LILRB5: variants seen among roughly 807,000 people sequenced by gnomAD.
LILRB5 encodes leukocyte immunoglobulin like receptor B5.
A neutral mutation model predicts 68.4 loss-of-function variants in LILRB5; 61 were observed. The observed-to-expected ratio is 0.89, with a 90% CI of 0.73 to 1.10. The LOEUF (loss-of-function observed/expected upper bound fraction) is 1.10, where lower values mean the gene tolerates loss of function less well. Ranked by LOEUF, LILRB5 falls within the 50% of genes least tolerant of loss-of-function variation. The probability of loss-of-function intolerance (pLI) is 0.00; values close to 1 mark genes in which losing one functional copy is unlikely to be tolerated. For missense variants in LILRB5, 771 were observed against 751.6 expected, an observed-to-expected ratio of 1.03 and a Z score of -0.30; for synonymous variants, 356 against 315.8, an observed-to-expected ratio of 1.13 and a Z score of -1.35.
chr19:54,257,129 G>C (rs768458870), intron 1 of LILRB5, 31 bp downstream of exon 1: 52 of 1,614,056 alleles, frequency 3.2e-5, no homozygotes, highest in African/African-American at 5.3e-5. Context: ...CTCCAAGACG[G>C]GGACCTTCCT....
intron 12 of LILRB5, chr19:54,251,704 C>G: frequency 4.7e-6 from 3 of 642,474 alleles, no homozygotes; most frequent in Non-Finnish European, 8.9e-6. Context: ...ATGGGGAGCC[C>G]CATCCACAGT....
At chr19:54,253,490 G>GT (rs2079024886) in intron 8 of LILRB5, 1 of 273,626 alleles carries the variant, frequency 3.7e-6, no homozygotes, top group Non-Finnish European at 7.0e-6. Context: ...GGCTCTGTGT[G>GT]TATCTGGGAA....
rs1296704134 is a variant in LILRB5, at chr19:54,254,846, T to C, written c.1144A>G (p.Met382Val). Residue 382 changes from methionine (M) to valine (V), a missense_variant, in exon 6 of 13, where the codon ATG becomes GTG. Transcript: ENST00000449561. ...QSYRHQAEFSMSPVTSAQGGT... is the reference protein window; with the variant it reads ...QSYRHQAEFSVSPVTSAQGGT... ...CCCTGGGCTGAGGTCACAGGACTCA[T>C]GGAGAATTCAGCCTGGTGTCTATAA... 1 of 1,614,132 alleles carries C rather than the reference T, an allele frequency of 6.2e-7. No individual in the cohort carries two copies. The highest frequency in any genetic ancestry group is 8.5e-7 in the Non-Finnish European group (1 of 1,179,986).
In LILRB5 at chr19:54,251,877, G is replaced by A. The variant is rs113072601; in HGVS notation, c.1629+177C>T. On this transcript the variant is annotated intron_variant, in intron 12 of 12. Transcript: ENST00000449561. ...GAAGGGGACCCGGGAGGAGGCCCACGAGGTCCCAGGACAGCAGAAGAGAGT... is the reference window on the plus strand; with the variant it reads ...GAAGGGGACCCGGGAGGAGGCCCACAAGGTCCCAGGACAGCAGAAGAGAGT... 8.6e-5 allele frequency: 69 copies of A among 798,830 alleles called. No homozygotes were observed. In the African/African-American group the frequency reaches 8.9e-4, roughly 10 times the overall value. 49.5% of individuals were successfully genotyped at this position (798,830 alleles called of 1,614,324 possible).
chr19:54,255,944 A>C (rs1412099796), intron 4 of LILRB5, 99 bp downstream of exon 4: 2 of 1,013,794 alleles, frequency 2.0e-6, no homozygotes, highest in South Asian at 3.4e-5. Context: ...CCATCAACAC[A>C]TCCTTCTGGG....
At position 54,257,265 on chromosome 19, in the gene LILRB5, G is replaced by C. The variant is rs1385241405; in HGVS notation, c.-72C>G. The C allele has an allele frequency of 1.9e-5, 31 of 1,591,568 alleles. 1 individual carries two copies. In the South Asian group the frequency reaches 3.4e-4, roughly 18 times the overall value. On this transcript the variant is annotated 5_prime_UTR_variant, in exon 1 of 13. Transcript: ENST00000449561. ...GGTGCCTGGCAGGACACAAAAACACGCAGAGTGTGGACTGGAGGCTGGGTT... is the reference window on the plus strand; with the variant it reads ...GGTGCCTGGCAGGACACAAAAACACCCAGAGTGTGGACTGGAGGCTGGGTT...
chr19:54,254,549 C>G (rs2079058099), intron 6 of LILRB5, 134 bp from the exon 7 acceptor site: 1 of 1,268,510 alleles, frequency 7.9e-7, no homozygotes, highest in Non-Finnish European at 1.1e-6. Flanking sequence ...GAGATGGGGC[C>G]AAGTGTGGGC....
At chr19:54,253,425 C>T (rs2147625952) in intron 8 of LILRB5, 1 of 209,638 alleles carries the variant, frequency 4.8e-6, no homozygotes, top group East Asian at 1.3e-4. Flanking sequence ...TCAGCCAGGT[C>T]CGTTTCCCAC....
At chr19:54,256,889 C>G (rs1309203462) in intron 2 of LILRB5, 72 bp downstream of exon 2, 2 of 1,612,122 alleles carry the variant, frequency 1.2e-6, no homozygotes, top group Non-Finnish European at 1.7e-6. Flanking sequence ...TATCTCCACC[C>G]CCAGCTGCCC....
chr19:54,251,416 C>A (rs2078949383), intron 12 of LILRB5: 1 of 583,196 alleles, frequency 1.7e-6, no homozygotes, highest in Non-Finnish European at 3.1e-6. Context: ...GCCTCGGGGC[C>A]TTTGCACGGC....
Position 54,255,033 on chromosome 19 carries a change from C to A in LILRB5, c.957G>T (p.Leu319=). Residue 319 remains leucine (L), a synonymous_variant, in exon 6 of 13, where the codon CTG becomes CTT. Transcript: ENST00000449561. The stretch of plus-strand genomic sequence containing the variant: ...CCGAGAGGGCGGGTATGTCAGGGAT[C>A]AGTCCTGGAGAGAAGAAGGATGGGT... ...SDPLDILIAG[L]IPDIPALSVQ... is the part of the protein sequence containing the mutation. 2 of 1,605,178 alleles carry A rather than the reference C, an allele frequency of 1.2e-6. No individual in the cohort carries two copies. The highest frequency in any genetic ancestry group is 1.7e-6 in the Non-Finnish European group (2 of 1,174,726).
chr19:54,254,342 G>A, intron 7 of LILRB5, 23 bp downstream of exon 7: 1 of 1,562,790 alleles, frequency 6.4e-7, no homozygotes, highest in Non-Finnish European at 8.7e-7. Context: ...CTCCCTCCGA[G>A]CCCAGAGGCC....
At chr19:54,253,234 A>T (rs1289156730) in intron 8 of LILRB5, 3 of 223,244 alleles carry the variant, frequency 1.3e-5, no homozygotes, top group Non-Finnish European at 2.8e-5. Context: ...TGTTTTCCCC[A>T]GCTGTCCTCC....
At chr19:54,252,844 C>T in intron 9 of LILRB5, 27 bp downstream of exon 9, 1 of 1,591,454 alleles carries the variant, frequency 6.3e-7, no homozygotes, top group East Asian at 2.3e-5. Flanking sequence ...CTCGGTCGGC[C>T]CACGGGTTCC....
At position 54,256,336 on chromosome 19, in the gene LILRB5, T is replaced by C; in HGVS notation, c.362A>G (p.Tyr121Cys). 1 of 1,605,262 alleles carries C rather than the reference T, an allele frequency of 6.2e-7. No homozygotes were observed. The highest frequency in any genetic ancestry group is 1.3e-5 in the African/African-American group (1 of 74,654). The stretch of plus-strand genomic sequence containing the variant: ...CAGGGCTAAAAGAGTGGGTTCTGCA[T>C]AGAATCCTAGCAGAGAAGGAGGCAC... ...DPLELVATGF[Y>C]AEPTLLALPS... Residue 121 changes from tyrosine to cysteine, a missense_variant, in exon 4 of 13, where the codon TAT (tyrosine) becomes TGT (cysteine). Tyr to Cys is a radical substitution (Grantham distance 194). Coordinates refer to ENST00000449561, the MANE Select transcript of LILRB5 (RefSeq NM_001081442.3).
chr19:54,251,610 G>A (rs949516734), intron 12 of LILRB5: 3 of 576,862 alleles, frequency 5.2e-6, no homozygotes, highest in Admixed American at 4.4e-5. Context: ...TGGACACGAT[G>A]CATTTATTTG....
At chr19:54,253,508 G>C (rs544440174) in intron 8 of LILRB5, 1 of 296,446 alleles carries the variant, frequency 3.4e-6, no homozygotes, top group South Asian at 4.5e-5. Context: ...GAAGGGCTGA[G>C]GGTAGCAGGA....
At chr19:54,257,042 C>G (rs768267549) in intron 1 of LILRB5, 46 bp from the exon 2 acceptor site, 1 of 1,614,160 alleles carries the variant, frequency 6.2e-7, no homozygotes, top group Non-Finnish European at 8.5e-7. Flanking sequence ...GAAGCCCCAG[C>G]AGTTCCTCTC....
chr19:54,254,913 C>T lies in LILRB5; in HGVS notation c.1077G>A (p.Gly359=), dbSNP rs2079075170. The T allele has an allele frequency of 1.9e-6, 3 of 1,614,082 alleles. No individual in the cohort carries two copies. Among genetic ancestry groups the T allele is most frequent in the Non-Finnish European group, 1.7e-6 (2 of 1,179,976 alleles). Residue 359 remains glycine (G), a synonymous_variant, in exon 6 of 13, where the codon GGG becomes GGA. Coordinates refer to ENST00000449561, the MANE Select transcript of LILRB5 (RefSeq NM_001081442.3). The part of the protein sequence containing the change: ...QIDTFFLTKE[G]AAHPPLCLKS... ...TTAGACACAGCGGGGGATGGGCTGC[C>T]CCCTCCTTGGTCAAAAAGAAAGTGT...
Sources: allele counts gnomAD v4.1 joint callset, GRCh38; gene constraint gnomAD v4.1.1; transcripts MANE v1.5; gene names NCBI Gene and HGNC (gene_info 2026-07-23, HGNC 2026-07-21).